The following FKBP5 variants were observed in gnomAD, a reference collection of about 807,000 sequenced individuals.
FKBP5 encodes FKBP prolyl isomerase 5, also known as peptidyl-prolyl cis-trans isomerase FKBP5.
FKBP5 carries 23 observed loss-of-function variants against 50.5 expected under a neutral mutation model. That is an observed-to-expected ratio of 0.46 (90% CI 0.33 to 0.65). The LOEUF (loss-of-function observed/expected upper bound fraction) is 0.65, where lower values mean the gene tolerates loss of function less well. Among genes scored for constraint, FKBP5 ranks in the 30% least tolerant of loss-of-function variants. The pLI, the probability that FKBP5 is intolerant of heterozygous loss-of-function variation, is 0.02. For missense variants in FKBP5, 411 were observed against 553.1 expected (o/e 0.74, Z 2.58); for synonymous variants, 176 against 190.6 (o/e 0.92, Z 0.63).
intron 1 of FKBP5, among the ~76,000 whole-genome samples, chr6:35,722,604 C>T (rs541545347): frequency 6.6e-6 from 1 of 152,352 alleles, no homozygotes; most frequent in African/African-American, 2.4e-5. Flanking sequence ...CTCCAACCTG[C>T]ACTCCATGTC....
At chr6:35,616,678 C>T (rs1262819438) in intron 5 of FKBP5, among the ~76,000 whole-genome samples, 15 of 152,222 alleles carry the variant, frequency 9.9e-5, no homozygotes, top group Non-Finnish European at 1.5e-5. Context: ...ATCTCCACAG[C>T]GGTAATTTTG....
At chr6:35,679,210 T>C (rs1193902334) in intron 1 of FKBP5, among the ~76,000 whole-genome samples, 1 of 152,242 alleles carries the variant, frequency 6.6e-6, no homozygotes, top group Admixed American at 6.5e-5. Flanking sequence ...TTCTCTACGA[T>C]TCTGTGTATG....
intron 1 of FKBP5, among the ~76,000 whole-genome samples, chr6:35,688,423 G>A (rs1041017248): frequency 2.6e-5 from 4 of 152,186 alleles, no homozygotes. Flanking sequence ...GAGGCGGAGC[G>A]GGACCTGTCA....
intron 3 of FKBP5, among the ~76,000 whole-genome samples, chr6:35,623,323 G>A (rs1763904548): frequency 6.6e-6 from 1 of 152,210 alleles, no homozygotes; most frequent in Non-Finnish European, 1.5e-5. Context: ...ATATGTATTT[G>A]ATAAAGGAAA....
chr6:35,604,640 G>A (rs1465115644), intron 5 of FKBP5, among the ~76,000 whole-genome samples: 1 of 152,060 alleles, frequency 6.6e-6, no homozygotes, highest in East Asian at 1.9e-4. Context: ...TTTGATTTTA[G>A]TGTTTCATTT....
At chr6:35,608,376 T>TCA (rs1763393133) in intron 5 of FKBP5, among the ~76,000 whole-genome samples, 1 of 152,242 alleles carries the variant, frequency 6.6e-6, no homozygotes, top group East Asian at 1.9e-4. Flanking sequence ...AAAGAATTAA[T>TCA]CAGCATAATC....
At position 35,573,655 on chromosome 6, in the gene FKBP5, TA is replaced by T. The variant is rs757308229; in HGVS notation, c.*2179del. ...GTGCATCTAAATGATTTTTTTTTTT[TA>T]AAAACAATGTCTTTAATTCCTCATA... On this transcript the variant is annotated 3_prime_UTR_variant, in exon 11 of 11. Transcript: ENST00000357266. 1 of 151,932 alleles carries T rather than the reference TA, an allele frequency of 6.6e-6. No homozygotes were observed. Among genetic ancestry groups the T allele is most frequent in the African/African-American group, 2.4e-5 (1 of 41,338 alleles). The allele number at this position is 151,932 out of a possible 1,614,324, so 9.4% of individuals were successfully genotyped here.
intron 1 of FKBP5, among the ~76,000 whole-genome samples, chr6:35,677,526 T>A (rs1355600728): frequency 6.6e-6 from 1 of 152,202 alleles, no homozygotes; most frequent in Non-Finnish European, 1.5e-5. Context: ...TATACTCGGT[T>A]CAGCATTTCC....
intron 3 of FKBP5, among the ~76,000 whole-genome samples, chr6:35,624,885 G>A (rs952336738): frequency 6.6e-6 from 1 of 152,214 alleles, no homozygotes; most frequent in Admixed American, 6.5e-5. Context: ...GTGGTCTGTG[G>A]CTGCAGGGCA....
In FKBP5 at chr6:35,577,016, T is replaced by C. The variant is rs1276156319; in HGVS notation, c.1244A>G (p.Lys415Arg). 1 of 1,614,142 alleles carries C rather than the reference T, an allele frequency of 6.2e-7. No homozygotes were observed. The highest frequency in any genetic ancestry group is 1.3e-5 in the African/African-American group (1 of 75,058). ...DRRIYANMFK[K>R]FAEQDAKEEA... ...CACCTTGGCATCCTGCTCTGCAAAC[T>C]TCTTGAACATGTTGGCGTATATCCT... The change falls in exon 10 of 11, where the codon AAG becomes AGG. Residue 415 changes from lysine to arginine, a missense_variant. Physicochemically the swap from Lys to Arg is conservative, Grantham distance 26. Transcript: ENST00000357266.
upstream of FKBP5, among the ~76,000 whole-genome samples, chr6:35,692,644 C>G (rs1766010260): frequency 2.0e-5 from 3 of 151,846 alleles, no homozygotes; most frequent in Non-Finnish European, 4.4e-5. Context: ...ACTAAAAATA[C>G]AAAAATTAGC....
At chr6:35,668,189 C>T (rs1254385482) in intron 1 of FKBP5, among the ~76,000 whole-genome samples, 1 of 152,244 alleles carries the variant, frequency 6.6e-6, no homozygotes, top group African/African-American at 2.4e-5. Context: ...CTCTTCTTCC[C>T]ACTATACCCA....
intron 5 of FKBP5, among the ~76,000 whole-genome samples, chr6:35,603,531 A>G (rs1441706543): frequency 6.6e-6 from 1 of 152,178 alleles, no homozygotes. Context: ...TTTTGAATCT[A>G]TTAGTATTCC....
At chr6:35,650,833 T>C (rs561303705) in intron 1 of FKBP5, among the ~76,000 whole-genome samples, 3 of 152,142 alleles carry the variant, frequency 2.0e-5, no homozygotes, top group African/African-American at 7.2e-5. Flanking sequence ...TCCCAGTTGT[T>C]TGTAGATTTT....
chr6:35,608,303 C>G (rs1357333066), intron 5 of FKBP5, among the ~76,000 whole-genome samples: 1 of 151,400 alleles, frequency 6.6e-6, no homozygotes, highest in African/African-American at 2.4e-5. Flanking sequence ...GCCCAAACCT[C>G]GGCATTACAG....
At chr6:35,613,446 C>A (rs565092075) in intron 5 of FKBP5, among the ~76,000 whole-genome samples, 2 of 152,282 alleles carry the variant, frequency 1.3e-5, no homozygotes, top group South Asian at 2.1e-4. Flanking sequence ...AAATTCCTGA[C>A]CTCACGTGAT....
chr6:35,591,260 G>A (rs1053200499), intron 6 of FKBP5, 40 bp from the exon 7 acceptor site: 4 of 1,398,438 alleles, frequency 2.9e-6, no homozygotes, highest in Non-Finnish European at 4.0e-6. Context: ...AAAAGGATTG[G>A]TGTATTTCCA....
At chr6:35,664,062 GA>G (rs1358981769) in intron 1 of FKBP5, among the ~76,000 whole-genome samples, 1 of 152,226 alleles carries the variant, frequency 6.6e-6, no homozygotes. Flanking sequence ...TGACTCCCCA[GA>G]AGTGTCACAG....
rs148227386 is a variant in FKBP5 at position 35,583,614 on chromosome 6, A to C, written c.841-3393T>G. 5.8e-4 allele frequency: 556 copies of C among 964,064 alleles called. 18 individuals are homozygous for C. In the East Asian group the frequency reaches 0.046, roughly 79 times the overall value. The allele number at this position is 964,064 out of a possible 1,614,324, so 59.7% of individuals were successfully genotyped here. Reference sequence around the variant, plus strand: ...GGGAACACCTGGCAGGTCTGGAGGCATTTTTAGTTGTCATAACTGGGTAGG... The same window carrying C: ...GGGAACACCTGGCAGGTCTGGAGGCCTTTTTAGTTGTCATAACTGGGTAGG... On this transcript the variant is annotated intron_variant, in intron 8 of 10. Coordinates refer to ENST00000357266, the MANE Select transcript of FKBP5 (RefSeq NM_004117.4).
Sources: gnomAD v4.1 joint callset for allele counts (sites outside exome capture counted in the v4.1 genomes callset) on GRCh38, gnomAD v4.1.1 for gene constraint, MANE v1.5 for transcripts, NCBI Gene and HGNC (gene_info 2026-07-23, HGNC 2026-07-21) for gene names.